Variants in MYH11 observed in about 807,000 individuals in gnomAD.
MYH11 encodes myosin heavy chain 11, also known as myosin-11.
A neutral mutation model predicts 246.6 loss-of-function variants in MYH11; 80 were observed. The observed-to-expected ratio is 0.32, with a 90% CI of 0.27 to 0.39. The LOEUF is 0.39. Ranked by LOEUF, MYH11 falls within the 10% of genes least tolerant of loss-of-function variation. The pLI is 1.00. For missense variants in MYH11, 2,158 were observed against 2,546.8 expected, an observed-to-expected ratio of 0.85 and a Z score of 3.29; for synonymous variants, 1,071 against 1,015.5, an observed-to-expected ratio of 1.05 and a Z score of -1.04.
chr16:15,707,821 A>T (rs2039538605), intron 40 of MYH11, among the ~76,000 whole-genome samples: 1 of 152,116 alleles, frequency 6.6e-6, no homozygotes, highest in African/African-American at 2.4e-5. Context: ...AAAATACAAA[A>T]ATTAGCTGGG....
chr16:15,853,584 T>A (rs922931226), intron 1 of MYH11, among the ~76,000 whole-genome samples: 1 of 152,206 alleles, frequency 6.6e-6, no homozygotes, highest in East Asian at 1.9e-4. Context: ...TTGGATCACA[T>A]ACAAGGTTTC....
In MYH11 at chr16:15,703,211, C is replaced by G. The variant is rs2039279970; in HGVS notation, c.*780G>C. 1 of 208,348 alleles carries G rather than the reference C, an allele frequency of 4.8e-6. No individual in the cohort carries two copies. Among genetic ancestry groups the G allele is most frequent in the African/African-American group, 2.3e-5 (1 of 43,944 alleles). 12.9% of individuals were successfully genotyped at this position (208,348 alleles called of 1,614,324 possible). A position where few individuals can be genotyped will look rare whatever the true frequency, so the allele number is the denominator to read the frequency against. On this transcript the variant is annotated 3_prime_UTR_variant, in exon 41 of 41. Coordinates refer to ENST00000300036, the MANE Select transcript of MYH11 (RefSeq NM_002474.3). ...TGTAAACAGTGCAGCATTCCTGCTC[C>G]CCTCCGTGGGAGCAGCGTCTCCTTT...
At chr16:15,753,629 T>C (rs2041633503) in intron 14 of MYH11, 121 bp from the exon 15 acceptor site, 1 of 787,300 alleles carries the variant, frequency 1.3e-6, no homozygotes, top group Non-Finnish European at 2.2e-6. Context: ...GAAATGACGT[T>C]TATGACCACC....
intron 3 of MYH11, among the ~76,000 whole-genome samples, chr16:15,812,730 G>A (rs975368742): frequency 6.6e-6 from 1 of 151,742 alleles, no homozygotes; most frequent in Admixed American, 6.6e-5. Context: ...AAAATTAGCC[G>A]GGTGTGGTGG....
intron 3 of MYH11, among the ~76,000 whole-genome samples, chr16:15,812,554 A>T (rs1329046305): frequency 2.3e-5 from 2 of 85,654 alleles, no homozygotes; most frequent in East Asian, 2.6e-4. Context: ...TTATCTCTAA[A>T]AAAAAAAAAA....
chr16:15,810,022 G>GGTTTTT (rs72389304), intron 3 of MYH11, among the ~76,000 whole-genome samples: 3 of 151,606 alleles, frequency 2.0e-5, no homozygotes, highest in Non-Finnish European at 4.4e-5. Flanking sequence ...TAATATTTAC[G>GGTTTTT]GTTTTTGTTT....
At chr16:15,737,388 AT>A in intron 25 of MYH11, 60 bp downstream of exon 25, 1 of 1,598,898 alleles carries the variant, frequency 6.3e-7, no homozygotes, top group Non-Finnish European at 8.5e-7. Context: ...GAATGAGCGA[AT>A]GAGCAGGGGC....
chr16:15,853,742 G>A (rs564345132), intron 1 of MYH11, among the ~76,000 whole-genome samples: 1 of 152,134 alleles, frequency 6.6e-6, no homozygotes, highest in Non-Finnish European at 1.5e-5. Context: ...CCCTAAATAA[G>A]CCAGGCGCGG....
chr16:15,771,655 G>A lies in MYH11; in HGVS notation c.947C>T (p.Pro316Leu). Residue 316 changes from proline (P) to leucine (L), a missense_variant, in exon 9 of 41, where the codon CCC becomes CTC. Transcript: ENST00000300036. Reference sequence around the variant, plus strand: ...CTCATCATCCTGGGCTGCTGGGATGGGCACAAAGCCATTGGAGAGGAAGGT... The same window carrying A: ...CTCATCATCCTGGGCTGCTGGGATGAGCACAAAGCCATTGGAGAGGAAGGT... ...NYTFLSNGFV[P>L]IPAAQDDEMF... 1 of 1,613,924 alleles carries A rather than the reference G, an allele frequency of 6.2e-7. No homozygotes were observed. Among genetic ancestry groups the A allele is most frequent in the East Asian group, 2.2e-5 (1 of 44,872 alleles).
At chr16:15,727,131 C>A (rs2040806016) in intron 27 of MYH11, 77 bp from the exon 28 acceptor site, 1 of 1,378,558 alleles carries the variant, frequency 7.3e-7, no homozygotes, top group African/African-American at 1.4e-5. Flanking sequence ...CCCTTTCCTC[C>A]CTCAGAGAGG....
In MYH11 at chr16:15,726,427, A is replaced by G. The variant is rs1281784559; in HGVS notation, c.3858+421T>C. The G allele has an allele frequency of 1.4e-5, 3 of 214,470 alleles. No individual in the cohort carries two copies. In the East Asian group the frequency reaches 3.4e-4, roughly 24 times the overall value. 13.3% of individuals were successfully genotyped at this position (214,470 alleles called of 1,614,324 possible). On this transcript the variant is annotated intron_variant, in intron 28 of 40. Coordinates refer to ENST00000300036, the MANE Select transcript of MYH11 (RefSeq NM_002474.3). Reference sequence around the variant, plus strand: ...CCCTTTTAGCCCAGGCTGGAGTACAATGGTGCGGTCTCCGCACACTGCAAC... The same window carrying G: ...CCCTTTTAGCCCAGGCTGGAGTACAGTGGTGCGGTCTCCGCACACTGCAAC...
At chr16:15,824,065 T>G (rs1283713563) in intron 2 of MYH11, among the ~76,000 whole-genome samples, 1 of 152,184 alleles carries the variant, frequency 6.6e-6, no homozygotes, top group Non-Finnish European at 1.5e-5. Flanking sequence ...GGCACCGAAC[T>G]AAGCACTACG....
At chr16:15,749,502 G>A (rs76699771) in intron 16 of MYH11, 4,124 of 152,806 alleles carry the variant, frequency 0.027, 83 homozygotes, top group Non-Finnish European at 0.042. Context: ...TCCTGAGGCT[G>A]TGGGAGGAGC....
At chr16:15,729,191 C>T (rs1457824321) in intron 27 of MYH11, among the ~76,000 whole-genome samples, 1 of 152,006 alleles carries the variant, frequency 6.6e-6, no homozygotes, top group African/African-American at 2.4e-5. Context: ...AACCTTAGCC[C>T]AGCCTAAGAC....
rs142683120 is a variant in MYH11, at chr16:15,822,163, C to T, written c.502+1092G>A. Among the ~76,000 whole-genome samples the T allele has an allele frequency of 7.9e-5, 12 of 152,320 alleles. No homozygotes were observed. In the East Asian group the frequency reaches 2.3e-3, roughly 29 times the overall value. On this transcript the variant is annotated intron_variant, in intron 3 of 40. Coordinates refer to ENST00000300036, the MANE Select transcript of MYH11 (RefSeq NM_002474.3). Reference sequence around the variant, plus strand: ...GGGCGGGGTCGTGGCATCTCTCAGGCACACCTGGATTCCGGCCTCAAGAAC... The same window carrying T: ...GGGCGGGGTCGTGGCATCTCTCAGGTACACCTGGATTCCGGCCTCAAGAAC...
At position 15,838,202 on chromosome 16, in the gene MYH11, G is replaced by C; in HGVS notation, c.51C>G (p.Asp17Glu). The change falls in exon 2 of 41, where the codon GAC becomes GAG. Residue 17 changes from aspartate to glutamate, a missense_variant. Asp to Glu is a conservative substitution (Grantham distance 45). Around this residue, in one of 11 missense-constraint regions of MYH11, gnomAD observed 96 missense variants for 91.9 expected, o/e 1.04. Transcript: ENST00000300036. ...CCACTGGGCTGTTGATGAAGTTTTTGTCCACAAAGAGGAACTTCTCATCGT... is the reference window on the plus strand; with the variant it reads ...CCACTGGGCTGTTGATGAAGTTTTTCTCCACAAAGAGGAACTTCTCATCGT... ...LSDDEKFLFVDKNFINSPVAQ... is the reference protein window; with the variant it reads ...LSDDEKFLFVEKNFINSPVAQ... The C allele has an allele frequency of 6.2e-7, 1 of 1,614,076 alleles. No individual in the cohort carries two copies.
chr16:15,781,992 T>C (rs936466222), intron 6 of MYH11, among the ~76,000 whole-genome samples: 1 of 152,192 alleles, frequency 6.6e-6, no homozygotes, highest in African/African-American at 2.4e-5. Flanking sequence ...TTACATAAAA[T>C]GGTATCGGAT....
chr16:15,780,120 G>C (rs2042312281), intron 6 of MYH11, among the ~76,000 whole-genome samples: 1 of 152,184 alleles, frequency 6.6e-6, no homozygotes, highest in Non-Finnish European at 1.5e-5. Context: ...ATGTTTTTAG[G>C]GATTTGTCTT....
chr16:15,724,196 ACACGAGTTGCCGCTGGTTGTC>A lies in MYH11; in HGVS notation c.4309_4329del (p.Asp1437_Val1443del). 1 of 1,614,014 alleles carries A rather than the reference ACACGAGTTGCCGCTGGTTGTC, an allele frequency of 6.2e-7. No individual in the cohort carries two copies. Among genetic ancestry groups the A allele is most frequent in the Non-Finnish European group, 8.5e-7 (1 of 1,180,030 alleles). On this transcript the variant is annotated inframe_deletion, in exon 31 of 41. Coordinates refer to ENST00000300036, the MANE Select transcript of MYH11 (RefSeq NM_002474.3). ...TTCCTCTGCTTCTTTTCCAGGTTGG[ACACGAGTTGCCGCTGGTTGTC>A]CAAATCAACAACCAGGTCGTCCAGC... is the stretch of plus-strand genomic sequence containing the variant.
Sources: gnomAD v4.1 joint callset for allele counts (sites outside exome capture counted in the v4.1 genomes callset) on GRCh38, gnomAD v4.1.1 for gene constraint, gnomAD v4.1.1 regional missense constraint, MANE v1.5 for transcripts, NCBI Gene and HGNC (gene_info 2026-07-23, HGNC 2026-07-21) for gene names.